COQ8A: variants seen among roughly 807,000 people sequenced by gnomAD.
COQ8A encodes atypical kinase COQ8A, mitochondrial.
A neutral mutation model predicts 65.0 loss-of-function variants in COQ8A; 51 were observed. The observed-to-expected ratio is 0.78, with a 90% CI of 0.63 to 0.99. The LOEUF is 0.99. COQ8A is among the 50% of genes least tolerant of loss of function. The probability of loss-of-function intolerance (pLI) is 0.00; values close to 1 mark genes in which losing one functional copy is unlikely to be tolerated. For missense variants in COQ8A, 940 were observed against 875.0 expected (o/e 1.07, Z -0.94); for synonymous variants, 371 against 353.2 (o/e 1.05, Z -0.57).
chr1:226,970,363 C>G (rs938937686), intron 4 of COQ8A, among the ~76,000 whole-genome samples: 2 of 152,236 alleles, frequency 1.3e-5, no homozygotes, highest in Admixed American at 6.5e-5. Flanking sequence ...GTATAGCCTG[C>G]TACATGCCTA....
At chr1:226,942,610 T>C (rs1285114542) in intron 1 of COQ8A, among the ~76,000 whole-genome samples, 1 of 152,168 alleles carries the variant, frequency 6.6e-6, no homozygotes, top group Admixed American at 6.5e-5. Flanking sequence ...CACTTTTTGC[T>C]CAGACAGCTC....
intron 2 of COQ8A, 105 bp from the exon 3 acceptor site, chr1:226,964,895 G>C: frequency 1.5e-6 from 2 of 1,334,938 alleles, no homozygotes; most frequent in Non-Finnish European, 2.1e-6. Flanking sequence ...GGAGGTGGGA[G>C]GGGGCGGGAT....
chr1:226,977,457 G>A lies in COQ8A; in HGVS notation c.664G>A (p.Val222Met), dbSNP rs372435075. The A allele has an allele frequency of 7.6e-5, 119 of 1,564,184 alleles. No homozygotes were observed. Among genetic ancestry groups the A allele is most frequent in the Non-Finnish European group, 9.0e-5 (104 of 1,154,594 alleles). The change falls in exon 5 of 15, where the codon GTG (valine) becomes ATG (methionine). Residue 222 changes from valine (V) to methionine (M), a missense_variant. Transcript: ENST00000366777. Reference sequence around the variant, plus strand: ...CCCCCTCCTCCTTGCAGGTCTGGCCGTGGGCCTGGGCTTCGGGGCACTGGC... The same window carrying A: ...CCCCCTCCTCCTTGCAGGTCTGGCCATGGGCCTGGGCTTCGGGGCACTGGC... ...GRLANFGGLA[V>M]GLGFGALAEV...
intron 1 of COQ8A, among the ~76,000 whole-genome samples, chr1:226,943,891 T>C (rs1656841346): frequency 6.6e-6 from 1 of 152,124 alleles, no homozygotes; most frequent in Admixed American, 6.5e-5. Flanking sequence ...TATGTGTGTG[T>C]GTAACTTGGT....
Position 226,965,391 on chromosome 1 carries a change from A to G in COQ8A, c.569A>G (p.Asn190Ser). The G allele has an allele frequency of 6.2e-7, 1 of 1,610,262 alleles. No homozygotes were observed. The highest frequency in any genetic ancestry group is 8.5e-7 in the Non-Finnish European group (1 of 1,179,164). Residue 190 changes from asparagine (N) to serine (S), a missense_variant, in exon 3 of 15, where the codon AAC becomes AGC. By Grantham distance (46) the Asn-to-Ser change is conservative (BLOSUM62 1). Transcript: ENST00000366777. Reference protein sequence around the residue: ...KARQAKARPENKQHKQTLSEH... With the variant: ...KARQAKARPESKQHKQTLSEH... ...CGGCAGGCTAAGGCTCGCCCCGAGA[A>G]CAAGCAGCACAAACAGACGGTGCGT...
intron 1 of COQ8A, among the ~76,000 whole-genome samples, chr1:226,947,189 A>C (rs1420491149): frequency 6.6e-6 from 1 of 152,182 alleles, no homozygotes; most frequent in Admixed American, 6.5e-5. Context: ...ACAAAAAAGG[A>C]GTTATTGATT....
At chr1:226,978,003 C>T (rs886831605) in intron 5 of COQ8A, among the ~76,000 whole-genome samples, 2 of 147,642 alleles carry the variant, frequency 1.4e-5, no homozygotes, top group African/African-American at 2.5e-5. Context: ...CTCCTTATAC[C>T]TCCTGCACAC....
At chr1:226,985,648 G>C (rs1207457778) in intron 14 of COQ8A, among the ~76,000 whole-genome samples, 4 of 152,200 alleles carry the variant, frequency 2.6e-5, no homozygotes, top group Non-Finnish European at 5.9e-5. Context: ...GGGAAGGGAA[G>C]CCCCAGCCCT....
At chr1:226,948,520 C>T (rs1657183928) in intron 1 of COQ8A, among the ~76,000 whole-genome samples, 1 of 152,204 alleles carries the variant, frequency 6.6e-6, no homozygotes. Context: ...CAGCCACCCA[C>T]AGTATTTTGG....
At chr1:226,967,979 C>A (rs1224623552) in intron 4 of COQ8A, among the ~76,000 whole-genome samples, 2 of 152,208 alleles carry the variant, frequency 1.3e-5, no homozygotes, top group African/African-American at 4.8e-5. Flanking sequence ...TTCTGGCTCA[C>A]CCAGTTGAAC....
intron 4 of COQ8A, among the ~76,000 whole-genome samples, chr1:226,966,064 A>G (rs1658552938): frequency 6.6e-6 from 1 of 152,208 alleles, no homozygotes. Flanking sequence ...CAGGTTCACT[A>G]CCAGTCGGCT....
intron 2 of COQ8A, among the ~76,000 whole-genome samples, chr1:226,963,087 C>A (rs1159216894): frequency 6.6e-6 from 1 of 152,248 alleles, no homozygotes; most frequent in Non-Finnish European, 1.5e-5. Flanking sequence ...CTGGACAGGC[C>A]TTAGCCCTAA....
intron 5 of COQ8A, among the ~76,000 whole-genome samples, chr1:226,979,428 G>T (rs1659559852): frequency 6.6e-6 from 1 of 152,200 alleles, no homozygotes; most frequent in African/African-American, 2.4e-5. Flanking sequence ...CCTGTTAGTG[G>T]GGCCTGGGGT....
chr1:226,947,675 G>A (rs1053806345), intron 1 of COQ8A, among the ~76,000 whole-genome samples: 1 of 152,036 alleles, frequency 6.6e-6, no homozygotes, highest in Non-Finnish European at 1.5e-5. Context: ...CAGGTGTGGT[G>A]GTACCCACCT....
Position 226,985,335 on chromosome 1 carries a change from G to A in COQ8A, c.1654G>A (p.Val552Ile). The change falls in exon 14 of 15, where the codon GTC becomes ATC. Residue 552 changes from valine (V) to isoleucine (I), a missense_variant. Transcript: ENST00000366777. ...GATGAAGTTCCTCACCGGCTACGAG[G>A]TCAAGGTGAGCAGGGTTGCGGGGGA... ...IEMKFLTGYE[V>I]KVMEDAHLDA... 1 of 1,613,544 alleles carries A rather than the reference G, an allele frequency of 6.2e-7. No individual in the cohort carries two copies. Among genetic ancestry groups the A allele is most frequent in the Non-Finnish European group, 8.5e-7 (1 of 1,180,000 alleles).
In COQ8A at chr1:226,986,738, G is replaced by C. The variant is rs766443480; in HGVS notation, c.*1G>C. ...CTGCAAGAGGCAGGCCCAGCAGTAG[G>C]GCTGCGGGCCACGCCCAGGCCGGCT... On this transcript the variant is annotated 3_prime_UTR_variant, in exon 15 of 15. Coordinates refer to ENST00000366777, the MANE Select transcript of COQ8A (RefSeq NM_020247.5). 5.6e-6 allele frequency: 9 copies of C among 1,612,306 alleles called. No homozygotes were observed. Among genetic ancestry groups the C allele is most frequent in the Non-Finnish European group, 7.6e-6 (9 of 1,179,910 alleles).
chr1:226,986,464 C>A lies in COQ8A; in HGVS notation c.1671C>A (p.Asp557Glu), dbSNP rs370899166. The A allele has an allele frequency of 2.5e-6, 4 of 1,612,546 alleles. No individual in the cohort carries two copies. In the African/African-American group the frequency reaches 4.0e-5, roughly 16 times the overall value. The change falls in exon 15 of 15, where the codon GAC becomes GAA. Residue 557 changes from aspartate to glutamate, a missense_variant. Asp to Glu is a conservative substitution (Grantham distance 45, BLOSUM62 2). Coordinates refer to ENST00000366777, the MANE Select transcript of COQ8A (RefSeq NM_020247.5). ...LTGYEVKVME[D>E]AHLDAILILG... ...CTCTCTTGCCCCAGGTCATGGAAGA[C>A]GCCCACTTGGATGCCATCCTCATCC... is the stretch of plus-strand genomic sequence containing the variant.
chr1:226,983,342 A>T (rs1054560770), intron 8 of COQ8A: 4 of 672,448 alleles, frequency 5.9e-6, no homozygotes, highest in Non-Finnish European at 1.1e-5. Context: ...AGCTGTTCCC[A>T]GGGGTGAGGT....
chr1:226,940,440 C>G (rs1317870171), intron 1 of COQ8A, 41 bp downstream of exon 1: 1 of 152,332 alleles, frequency 6.6e-6, no homozygotes, highest in Non-Finnish European at 1.5e-5. Context: ...GCCCAGGCGC[C>G]GTCTGGCTGC....
Sources: gnomAD v4.1 joint callset for allele counts (sites outside exome capture counted in the v4.1 genomes callset) on GRCh38, gnomAD v4.1.1 for gene constraint, MANE v1.5 for transcripts, NCBI Gene and HGNC (gene_info 2026-07-23, HGNC 2026-07-21) for gene names.